The following GLIS3 variants were observed in gnomAD, a reference collection of about 807,000 sequenced individuals.
GLIS3 encodes the protein GLIS family zinc finger 3, also known as zinc finger protein GLIS3.
In GLIS3, 53 loss-of-function variants were observed where a neutral mutation model predicts 78.6. The observed-to-expected ratio is 0.67, with a 90% CI of 0.54 to 0.85. GLIS3 has a LOEUF of 0.85. Among genes scored for constraint, GLIS3 ranks in the 40% least tolerant of loss-of-function variants. The probability of loss-of-function intolerance (pLI) is 0.00; values close to 1 mark genes in which losing one functional copy is unlikely to be tolerated. For missense variants in GLIS3, 1,703 were observed against 1,231.1 expected, an observed-to-expected ratio of 1.38 and a Z score of -5.74; for synonymous variants, 684 against 509.9, an observed-to-expected ratio of 1.34 and a Z score of -4.60.
chr9:4,455,589 C>T, the GLIS3 span, among the ~76,000 whole-genome samples: 2 of 152,104 alleles, frequency 1.3e-5, no homozygotes, highest in East Asian at 3.9e-4. Context: ...CCAAACTTAA[C>T]ATTGTAGGAT....
chr9:4,221,312 T>A (rs562113569), intron 2 of GLIS3, among the ~76,000 whole-genome samples: 25 of 152,338 alleles, frequency 1.6e-4, no homozygotes, highest in Non-Finnish European at 2.2e-4. Context: ...TTAAACCTTT[T>A]CTGTAGGTTT....
intron 2 of GLIS3, among the ~76,000 whole-genome samples, chr9:4,166,370 G>C (rs1034961321): frequency 6.6e-6 from 1 of 152,178 alleles, no homozygotes; most frequent in Non-Finnish European, 1.5e-5. Context: ...CCAAGAACCA[G>C]TAAGGACAAG....
At chr9:3,993,179 T>G (rs560181599) in intron 4 of GLIS3, among the ~76,000 whole-genome samples, 1 of 152,186 alleles carries the variant, frequency 6.6e-6, no homozygotes, top group African/African-American at 2.4e-5. Context: ...CCTGAAAATA[T>G]TCCAGATTAA....
chr9:3,943,637 G>T (rs1020307652), intron 4 of GLIS3, among the ~76,000 whole-genome samples: 1 of 152,270 alleles, frequency 6.6e-6, no homozygotes, highest in East Asian at 1.9e-4. Flanking sequence ...GTTTCCAAAG[G>T]TTCCAAGTAT....
chr9:4,047,404 T>G (rs879867235), intron 4 of GLIS3, among the ~76,000 whole-genome samples: 1 of 152,196 alleles, frequency 6.6e-6, no homozygotes, highest in Non-Finnish European at 1.5e-5. Context: ...AAGGTCCTTT[T>G]AAATCTTAAG....
the GLIS3 span, among the ~76,000 whole-genome samples, chr9:4,437,032 G>C: frequency 5.9e-5 from 9 of 152,082 alleles, no homozygotes; most frequent in African/African-American, 2.2e-4. Flanking sequence ...TCTTGAGCTG[G>C]AGAAGAGGAA....
the GLIS3 span, among the ~76,000 whole-genome samples, chr9:4,368,900 C>T: frequency 6.6e-6 from 1 of 152,278 alleles, no homozygotes; most frequent in African/African-American, 2.4e-5. Flanking sequence ...TATTAAAAGA[C>T]CTCTTCAAAG....
At chr9:4,246,099 A>G (rs1213465561) in intron 2 of GLIS3, among the ~76,000 whole-genome samples, 1 of 152,118 alleles carries the variant, frequency 6.6e-6, no homozygotes, top group African/African-American at 2.4e-5. Context: ...ATTTCAGGCC[A>G]GGCACGGTGG....
Position 4,159,853 on chromosome 9 carries a change from A to G in GLIS3, c.389-33912T>C, listed in dbSNP as rs560964686. ...TTCAGGAGAGAAGAGCCAGGAGTTA[A>G]GACGGCAAGCCAATAGGGTTTCCAA... On this transcript the variant is annotated intron_variant, in intron 2 of 10. Coordinates refer to ENST00000381971, the MANE Select transcript of GLIS3 (RefSeq NM_001042413.2). 2.6e-5 allele frequency among the ~76,000 whole-genome samples: 4 copies of G among 152,354 alleles called. No homozygotes were observed. The South Asian group carries it at 8.3e-4, about 32-fold the overall frequency.
intron 2 of GLIS3, among the ~76,000 whole-genome samples, chr9:4,195,840 G>C (rs1284575659): frequency 6.6e-6 from 1 of 152,254 alleles, no homozygotes; most frequent in African/African-American, 2.4e-5. Flanking sequence ...AAACACACCA[G>C]TGTTCTGTGT....
At chr9:3,831,694 A>C (rs541139040) in intron 9 of GLIS3, among the ~76,000 whole-genome samples, 1 of 152,366 alleles carries the variant, frequency 6.6e-6, no homozygotes, top group Admixed American at 6.5e-5. Context: ...GCTAGTGATC[A>C]AAACAGAAAA....
At chr9:4,429,186 G>T in the GLIS3 span, among the ~76,000 whole-genome samples, 1 of 152,048 alleles carries the variant, frequency 6.6e-6, no homozygotes, top group African/African-American at 2.4e-5. Context: ...TTTTCATGAA[G>T]GAAATTTTAT....
intron 7 of GLIS3, among the ~76,000 whole-genome samples, chr9:3,892,464 C>T (rs1398492691): frequency 4.6e-5 from 7 of 152,114 alleles, no homozygotes; most frequent in Non-Finnish European, 8.8e-5. Context: ...CTGATAGCTG[C>T]GTGGAATGAA....
intron 2 of GLIS3, among the ~76,000 whole-genome samples, chr9:4,216,314 T>C (rs1279523543): frequency 4.0e-5 from 6 of 151,436 alleles, no homozygotes; most frequent in Admixed American, 3.9e-4. Flanking sequence ...CTACTAAAAA[T>C]ACAAAAAAAT....
chr9:4,239,000 C>G (rs1435914608), intron 2 of GLIS3, among the ~76,000 whole-genome samples: 1 of 151,860 alleles, frequency 6.6e-6, no homozygotes, highest in Admixed American at 6.6e-5. Flanking sequence ...ATCCATGTCC[C>G]TACAAAGGAC....
intron 4 of GLIS3, among the ~76,000 whole-genome samples, chr9:3,982,371 C>G (rs1269705198): frequency 2.6e-5 from 4 of 152,154 alleles, no homozygotes; most frequent in East Asian, 3.9e-4. Flanking sequence ...TTCCCCTACC[C>G]CAGTACAGTC....
intron 4 of GLIS3, among the ~76,000 whole-genome samples, chr9:4,018,840 G>A (rs1227383800): frequency 6.6e-6 from 1 of 152,170 alleles, no homozygotes; most frequent in Non-Finnish European, 1.5e-5. Context: ...AATGAGACCA[G>A]TTTTCCCTGA....
intron 2 of GLIS3, among the ~76,000 whole-genome samples, chr9:4,258,723 C>G (rs758105059): frequency 2.6e-5 from 4 of 152,108 alleles, no homozygotes; most frequent in African/African-American, 4.8e-5. Flanking sequence ...CTTATGTTCT[C>G]ATTTATTGAT....
intron 4 of GLIS3, among the ~76,000 whole-genome samples, chr9:3,994,212 T>TA (rs1467295896): frequency 6.6e-6 from 1 of 152,246 alleles, no homozygotes; most frequent in Non-Finnish European, 1.5e-5. Context: ...CTGTTGGATC[T>TA]ATGAAACTGA....
Sources: gnomAD v4.1 joint callset for allele counts (sites outside exome capture counted in the v4.1 genomes callset) on GRCh38, gnomAD v4.1.1 for gene constraint, MANE v1.5 for transcripts, NCBI Gene and HGNC (gene_info 2026-07-23, HGNC 2026-07-21) for gene names.